SLC16A10: variants seen among roughly 807,000 people sequenced by gnomAD.
SLC16A10 encodes the protein monocarboxylate transporter 10.
In SLC16A10, 27 loss-of-function variants were observed where a neutral mutation model predicts 40.0. That is an observed-to-expected ratio of 0.67 (90% CI 0.50 to 0.93). The LOEUF is 0.93. Among genes scored for constraint, SLC16A10 ranks in the 40% least tolerant of loss-of-function variants. The probability of loss-of-function intolerance (pLI) is 0.00; values close to 1 mark genes in which losing one functional copy is unlikely to be tolerated. For synonymous variants in SLC16A10, 213 were observed against 249.8 expected (o/e 0.85, Z 1.39); for missense variants, 529 against 658.2 (o/e 0.80, Z 2.15).
intron 1 of SLC16A10, among the ~76,000 whole-genome samples, chr6:111,107,346 T>C (rs922612194): frequency 1.3e-5 from 2 of 152,178 alleles, no homozygotes; most frequent in African/African-American, 4.8e-5. Flanking sequence ...TCTGCTAAAA[T>C]TGAAGCAAGA....
chr6:111,127,578 T>TA (rs1368327732), intron 1 of SLC16A10, among the ~76,000 whole-genome samples: 2 of 152,152 alleles, frequency 1.3e-5, no homozygotes, highest in African/African-American at 4.8e-5. Flanking sequence ...ATAGAAGAAA[T>TA]ATGTCTTTCT....
Position 111,132,946 on chromosome 6 carries a change from C to CAGAA in SLC16A10, c.344-39748_344-39745dup, listed in dbSNP as rs1219812127. 2.0e-5 allele frequency among the ~76,000 whole-genome samples: 3 copies of CAGAA among 152,282 alleles called. No individual in the cohort carries two copies. The East Asian group carries it at 5.8e-4, about 29-fold the overall frequency. On this transcript the variant is annotated intron_variant, in intron 1 of 5. Coordinates refer to ENST00000368851, the MANE Select transcript of SLC16A10 (RefSeq NM_018593.5). Reference sequence around the variant, plus strand: ...ACTCAGCCAAGCCTTAAAGTGTTTACAGAATCAAAAAAACTCAATCTCAAT... The same window carrying CAGAA: ...ACTCAGCCAAGCCTTAAAGTGTTTACAGAAAGAATCAAAAAAACTCAATCTCAAT...
chr6:111,135,392 C>T (rs895165148), intron 1 of SLC16A10, among the ~76,000 whole-genome samples: 4 of 152,140 alleles, frequency 2.6e-5, no homozygotes, highest in African/African-American at 9.7e-5. Context: ...TGCAGTAGCC[C>T]CTGCAGTACT....
intron 1 of SLC16A10, among the ~76,000 whole-genome samples, chr6:111,157,079 C>G (rs996399809): frequency 6.6e-6 from 1 of 151,876 alleles, no homozygotes; most frequent in African/African-American, 2.4e-5. Flanking sequence ...CCACCACACC[C>G]AGCTAATTTT....
intron 4 of SLC16A10, among the ~76,000 whole-genome samples, chr6:111,206,975 T>C (rs1004428650): frequency 4.6e-5 from 7 of 152,200 alleles, no homozygotes; most frequent in African/African-American, 1.7e-4. Context: ...ATTACAGGCG[T>C]GTGCCACCAC....
At chr6:111,149,572 A>G (rs541238092) in intron 1 of SLC16A10, among the ~76,000 whole-genome samples, 7 of 152,350 alleles carry the variant, frequency 4.6e-5, no homozygotes, top group East Asian at 3.9e-4. Context: ...TGCATACAGT[A>G]TAAAATATCA....
chr6:111,088,225 G>C (rs1184390118), intron 1 of SLC16A10, 130 bp downstream of exon 1: 1 of 905,364 alleles, frequency 1.1e-6, no homozygotes, highest in Non-Finnish European at 1.6e-6. Flanking sequence ...GGTGCGAGCA[G>C]GGGGGTCTTT....
At chr6:111,129,252 A>G (rs1336484864) in intron 1 of SLC16A10, among the ~76,000 whole-genome samples, 1 of 152,212 alleles carries the variant, frequency 6.6e-6, no homozygotes, top group African/African-American at 2.4e-5. Flanking sequence ...CTTCCAAGAA[A>G]GTGGGCAAAG....
intron 3 of SLC16A10, among the ~76,000 whole-genome samples, chr6:111,185,875 C>T (rs1275071727): frequency 6.6e-6 from 1 of 151,436 alleles, no homozygotes; most frequent in Non-Finnish European, 1.5e-5. Context: ...ACTGTTCCCT[C>T]CTGTTAATGT....
intron 1 of SLC16A10, among the ~76,000 whole-genome samples, chr6:111,115,146 T>C (rs1771462732): frequency 6.6e-6 from 1 of 152,240 alleles, no homozygotes; most frequent in African/African-American, 2.4e-5. Context: ...TCTCCATTTT[T>C]GTGTCTGAAT....
rs142185010 is a variant in SLC16A10, at chr6:111,218,986, T to C, written c.1259T>C (p.Ile420Thr). 1.1e-5 allele frequency: 17 copies of C among 1,614,032 alleles called. No individual in the cohort carries two copies. Among genetic ancestry groups the C allele is most frequent in the Admixed American group, 5.0e-5 (3 of 59,996 alleles). Residue 420 changes from isoleucine to threonine, a missense_variant, in exon 5 of 6, where the codon ATT (isoleucine) becomes ACT (threonine). Physicochemically the swap from Ile to Thr is moderately conservative, Grantham distance 89. Transcript: ENST00000368851. ...LVGAQDVSQAIGFLLGFMSIP... is the reference protein window; with the variant it reads ...LVGAQDVSQATGFLLGFMSIP... ...GGTGCCCAGGATGTCTCCCAAGCAA[T>C]TGGATTTCTGCTCGGATTCATGTCT...
rs908377845 is a variant in SLC16A10, at chr6:111,100,398, C to CT, written c.343+12312dup. 5.6e-4 allele frequency among the ~76,000 whole-genome samples: 84 copies of CT among 151,256 alleles called. No individual in the cohort carries two copies. The East Asian group carries it at 6.0e-3, about 11-fold the overall frequency. ...TTGGATTTGGTTTATCTACAGTTGTCTTTTTTTTTGAGGTGGAGTCTCGCT... is the reference window on the plus strand; with the variant it reads ...TTGGATTTGGTTTATCTACAGTTGTCTTTTTTTTTTGAGGTGGAGTCTCGCT... On this transcript the variant is annotated intron_variant, in intron 1 of 5. Transcript: ENST00000368851.
chr6:111,108,588 G>A (rs971487824), intron 1 of SLC16A10, among the ~76,000 whole-genome samples: 1 of 152,144 alleles, frequency 6.6e-6, no homozygotes, highest in African/African-American at 2.4e-5. Context: ...AATTTTTTGA[G>A]GTCCCCTTGT....
chr6:111,191,513 A>G (rs1176918579), intron 3 of SLC16A10, among the ~76,000 whole-genome samples: 2 of 152,256 alleles, frequency 1.3e-5, no homozygotes, highest in African/African-American at 4.8e-5. Context: ...AGAATGATTT[A>G]TAATCCTTTG....
intron 1 of SLC16A10, among the ~76,000 whole-genome samples, chr6:111,123,947 G>A (rs1056270133): frequency 1.3e-5 from 2 of 152,178 alleles, no homozygotes; most frequent in Non-Finnish European, 2.9e-5. Context: ...AGAATTGAGG[G>A]TCAATCCTGG....
intron 3 of SLC16A10, among the ~76,000 whole-genome samples, chr6:111,185,571 A>C (rs1248835562): frequency 6.6e-6 from 1 of 152,176 alleles, no homozygotes; most frequent in Non-Finnish European, 1.5e-5. Flanking sequence ...TGAATATGAG[A>C]AAACTGAGGC....
At chr6:111,139,080 T>TTTCTTC (rs201913433) in intron 1 of SLC16A10, among the ~76,000 whole-genome samples, 51 of 129,036 alleles carry the variant, frequency 4.0e-4, no homozygotes, top group Non-Finnish European at 2.8e-4. Context: ...GGCTTTTTTT[T>TTTCTTC]TTCTTCTTCT....
intron 3 of SLC16A10, among the ~76,000 whole-genome samples, chr6:111,184,018 A>G (rs189968340): frequency 9.8e-5 from 15 of 152,358 alleles, no homozygotes; most frequent in Non-Finnish European, 1.8e-4. Context: ...CCGAAGAATG[A>G]CAGTGACAAT....
intron 3 of SLC16A10, among the ~76,000 whole-genome samples, chr6:111,192,576 A>T (rs1221780805): frequency 6.6e-6 from 1 of 152,066 alleles, no homozygotes; most frequent in Non-Finnish European, 1.5e-5. Context: ...GCAGCACCCC[A>T]CTACCCAGTA....
Sources: gnomAD v4.1 joint callset for allele counts (sites outside exome capture counted in the v4.1 genomes callset) on GRCh38, gnomAD v4.1.1 for gene constraint, MANE v1.5 for transcripts, NCBI Gene and HGNC (gene_info 2026-07-23, HGNC 2026-07-21) for gene names.